Variants in CNTNAP2 observed in about 807,000 individuals in gnomAD.
CNTNAP2 encodes contactin associated protein 2.
In CNTNAP2, 98 loss-of-function variants were observed where a neutral mutation model predicts 155.2. That is an observed-to-expected ratio of 0.63 (90% CI 0.54 to 0.75). The LOEUF (loss-of-function observed/expected upper bound fraction) is 0.75. Among genes scored for constraint, CNTNAP2 ranks in the 30% least tolerant of loss-of-function variants. The pLI, the probability that CNTNAP2 is intolerant of heterozygous loss-of-function variation, is 0.00. For missense variants in CNTNAP2, 1,727 were observed against 1,688.1 expected, an observed-to-expected ratio of 1.02 and a Z score of -0.40; for synonymous variants, 651 against 631.2, an observed-to-expected ratio of 1.03 and a Z score of -0.47.
At chr7:146,281,810 A>T (rs2129085002) in intron 1 of CNTNAP2, among the ~76,000 whole-genome samples, 1 of 151,792 alleles carries the variant, frequency 6.6e-6, no homozygotes, top group South Asian at 2.1e-4. Context: ...AAAAAAAATT[A>T]CTTAATTTCT....
intron 14 of CNTNAP2, among the ~76,000 whole-genome samples, chr7:147,928,641 G>A (rs1371469916): frequency 6.6e-6 from 1 of 152,042 alleles, no homozygotes; most frequent in Non-Finnish European, 1.5e-5. Context: ...ATAAATGTAG[G>A]TCGTGTTTCC....
At chr7:148,283,526 A>C (rs541961935) in intron 21 of CNTNAP2, among the ~76,000 whole-genome samples, 97 of 152,340 alleles carry the variant, frequency 6.4e-4, no homozygotes, top group African/African-American at 2.3e-3. Context: ...TGTGCTGTGC[A>C]GCAAACAATT....
chr7:147,544,795 C>T (rs909431881), intron 11 of CNTNAP2, among the ~76,000 whole-genome samples: 10 of 152,006 alleles, frequency 6.6e-5, no homozygotes, highest in African/African-American at 1.9e-4. Flanking sequence ...ATAAGTCTCA[C>T]GAGATCTGAT....
intron 3 of CNTNAP2, among the ~76,000 whole-genome samples, chr7:146,942,146 T>G (rs1048884455): frequency 3.9e-5 from 6 of 152,108 alleles, no homozygotes; most frequent in Non-Finnish European, 5.9e-5. Context: ...GTTGCTTTTT[T>G]GATGTTGTCT....
At chr7:147,207,219 A>C (rs931654994) in intron 8 of CNTNAP2, among the ~76,000 whole-genome samples, 7 of 152,154 alleles carry the variant, frequency 4.6e-5, no homozygotes, top group African/African-American at 1.7e-4. Context: ...TGTATGGGGA[A>C]GTGGTGGTAG....
At chr7:146,856,495 A>G (rs1474499870) in intron 3 of CNTNAP2, among the ~76,000 whole-genome samples, 1 of 152,200 alleles carries the variant, frequency 6.6e-6, no homozygotes, top group African/African-American at 2.4e-5. Flanking sequence ...GTTCTGGCAT[A>G]AGACATTAAT....
chr7:148,230,678 C>A (rs1795946050), intron 20 of CNTNAP2, among the ~76,000 whole-genome samples: 4 of 152,196 alleles, frequency 2.6e-5, no homozygotes, highest in Admixed American at 2.0e-4. Context: ...ATGTCAGATT[C>A]ATAACTTGAT....
chr7:148,142,093 C>CTGTGTGTGTGTGTGTG lies in CNTNAP2; in HGVS notation c.2555-5372_2555-5357dup, dbSNP rs71527881. Among the ~76,000 whole-genome samples, 212 of 136,396 alleles carry CTGTGTGTGTGTGTGTG rather than the reference C, an allele frequency of 1.6e-3. 1 individual carries two copies. The highest frequency in any genetic ancestry group is 3.5e-3 in the South Asian group (14 of 4,006). 89.5% of individuals were successfully genotyped at this position (136,396 alleles called of 152,430 possible). On this transcript the variant is annotated intron_variant, in intron 16 of 23. Coordinates refer to ENST00000361727, the MANE Select transcript of CNTNAP2 (RefSeq NM_014141.6). ...GGTTGTTAAGAGTAGAGATATGTCT[C>CTGTGTGTGTGTGTGTG]TGTGTGTGTGTGTGTGTGTGTGTGT...
At chr7:146,582,966 C>A (rs6960544) in intron 1 of CNTNAP2, among the ~76,000 whole-genome samples, 5 of 149,356 alleles carry the variant, frequency 3.3e-5, no homozygotes, top group African/African-American at 1.2e-4. Context: ...ATATATAATA[C>A]TCATTAATAG....
chr7:147,414,847 A>G (rs1797162829), intron 10 of CNTNAP2, among the ~76,000 whole-genome samples: 1 of 145,896 alleles, frequency 6.9e-6, no homozygotes, highest in Non-Finnish European at 1.5e-5. Context: ...AGGCTGAGGC[A>G]GGAGAATGGC....
chr7:147,583,501 G>GATATATAT (rs1800552577), intron 12 of CNTNAP2, among the ~76,000 whole-genome samples: 1 of 69,580 alleles, frequency 1.4e-5, no homozygotes, highest in Non-Finnish European at 2.6e-5. Flanking sequence ...TAAAAGACAT[G>GATATATAT]ACATATATAT....
chr7:147,513,123 C>T (rs851846), intron 11 of CNTNAP2, among the ~76,000 whole-genome samples: 95,760 of 151,924 alleles, frequency 0.63, 31,468 homozygotes, highest in South Asian at 0.77. Context: ...TAAATTGTTT[C>T]AGTTGAAATC....
At chr7:147,616,221 T>G (rs943734098) in intron 12 of CNTNAP2, among the ~76,000 whole-genome samples, 2 of 152,166 alleles carry the variant, frequency 1.3e-5, no homozygotes, top group Non-Finnish European at 2.9e-5. Context: ...CCATCCAAAG[T>G]CTAAGTGACC....
intron 13 of CNTNAP2, chr7:147,849,826 G>C (rs1798892973): frequency 6.6e-6 from 1 of 152,220 alleles, no homozygotes. Flanking sequence ...GGCATGTTAG[G>C]CATTGGAATG....
At chr7:147,302,795 A>C (rs914246303) in intron 9 of CNTNAP2, among the ~76,000 whole-genome samples, 1 of 152,240 alleles carries the variant, frequency 6.6e-6, no homozygotes, top group East Asian at 1.9e-4. Context: ...CTACTCTCCT[A>C]TAGCTTTGCC....
At chr7:147,607,375 C>CCTTTCT (rs543723472) in intron 12 of CNTNAP2, among the ~76,000 whole-genome samples, 9 of 151,740 alleles carry the variant, frequency 5.9e-5, no homozygotes, top group Admixed American at 4.6e-4. Flanking sequence ...ACATTTCCTT[C>CCTTTCT]CTTTCTCTTT....
intron 8 of CNTNAP2, among the ~76,000 whole-genome samples, chr7:147,194,130 G>C (rs1325020511): frequency 2.0e-5 from 3 of 150,940 alleles, no homozygotes; most frequent in Non-Finnish European, 4.4e-5. Context: ...CCCTCCGTGT[G>C]TCCATGTGCT....
chr7:146,370,260 TAAAA>T (rs34996621), intron 1 of CNTNAP2, among the ~76,000 whole-genome samples: 28 of 87,594 alleles, frequency 3.2e-4, no homozygotes, highest in African/African-American at 1.2e-3. Flanking sequence ...ATCTCTACTT[TAAAA>T]AAAAAAAAAA....
intron 2 of CNTNAP2, among the ~76,000 whole-genome samples, chr7:146,781,867 C>T (rs1205587671): frequency 1.3e-5 from 2 of 152,084 alleles, no homozygotes; most frequent in Admixed American, 6.6e-5. Context: ...AAACTGGGAA[C>T]GGAACCACAG....
Sources: allele counts gnomAD v4.1 joint callset (sites outside exome capture counted in the v4.1 genomes callset), GRCh38; gene constraint gnomAD v4.1.1; transcripts MANE v1.5; gene names NCBI Gene and HGNC (gene_info 2026-07-23, HGNC 2026-07-21).